Variants in INPP5A observed in about 807,000 individuals in gnomAD.
INPP5A encodes the protein inositol polyphosphate-5-phosphatase A.
Under a neutral mutation model 65.2 loss-of-function variants are expected in INPP5A, and 14 were observed. The ratio of observed to expected loss-of-function variants is 0.21; its 90% CI spans 0.14 to 0.34. The LOEUF (loss-of-function observed/expected upper bound fraction) is 0.34. INPP5A is among the 10% of genes least tolerant of loss of function. The probability of loss-of-function intolerance (pLI) is 1.00; values close to 1 mark genes in which losing one functional copy is unlikely to be tolerated. For synonymous variants in INPP5A, 207 were observed against 208.3 expected, an observed-to-expected ratio of 0.99 and a Z score of 0.05; for missense variants, 431 against 545.6, an observed-to-expected ratio of 0.79 and a Z score of 2.09.
chr10:132,570,434 C>T (rs758848394), intron 1 of INPP5A, among the ~76,000 whole-genome samples: 8 of 152,184 alleles, frequency 5.3e-5, no homozygotes, highest in Non-Finnish European at 7.4e-5. Flanking sequence ...GTTTTCCTTC[C>T]GACGAGGTAT....
intron 2 of INPP5A, among the ~76,000 whole-genome samples, chr10:132,629,569 G>T (rs2072237268): frequency 6.6e-6 from 1 of 152,276 alleles, no homozygotes; most frequent in African/African-American, 2.4e-5. Context: ...GAAGTCTCCA[G>T]TGTGGCTCCA....
chr10:132,740,846 C>G lies in INPP5A; in HGVS notation c.733-8671C>G, dbSNP rs1013082222. Among the ~76,000 whole-genome samples, 3 of 152,310 alleles carry G rather than the reference C, an allele frequency of 2.0e-5. No homozygotes were observed. In the East Asian group the frequency reaches 5.8e-4, roughly 29 times the overall value. On this transcript the variant is annotated intron_variant, in intron 9 of 15. Coordinates refer to ENST00000368594, the MANE Select transcript of INPP5A (RefSeq NM_005539.5). Reference sequence around the variant, plus strand: ...CTCGCAGGGTCCACATCGTTCACCCCCAGCATTCACCACCCAAGGGTCAGG... The same window carrying G: ...CTCGCAGGGTCCACATCGTTCACCCGCAGCATTCACCACCCAAGGGTCAGG...
chr10:132,540,490 G>C (rs1041727431), intron 1 of INPP5A, among the ~76,000 whole-genome samples: 1 of 152,244 alleles, frequency 6.6e-6, no homozygotes, highest in Admixed American at 6.5e-5. Flanking sequence ...CGTGTCTGAA[G>C]ATTTCTTAAT....
chr10:132,554,397 C>T (rs1390403715), intron 1 of INPP5A, among the ~76,000 whole-genome samples: 1 of 152,080 alleles, frequency 6.6e-6, no homozygotes, highest in Non-Finnish European at 1.5e-5. Flanking sequence ...GTCTCCTGGG[C>T]AAGTGGCGGG....
intron 1 of INPP5A, among the ~76,000 whole-genome samples, chr10:132,579,274 C>A (rs926361032): frequency 1.3e-5 from 2 of 152,018 alleles, no homozygotes; most frequent in Non-Finnish European, 2.9e-5. Context: ...GCGAGTGGGG[C>A]TCCTGGTGTC....
At chr10:132,685,403 C>A (rs2073102370) in intron 4 of INPP5A, among the ~76,000 whole-genome samples, 1 of 152,282 alleles carries the variant, frequency 6.6e-6, no homozygotes, top group South Asian at 2.1e-4. Flanking sequence ...ACTGCTTGTG[C>A]ATTTCCCCTT....
At chr10:132,780,975 C>CG (rs928569969) in intron 14 of INPP5A, 58 bp downstream of exon 14, 6 of 118,822 alleles carry the variant, frequency 5.0e-5, no homozygotes, top group Admixed American at 1.1e-4. Context: ...GCTAGGGGGC[C>CG]GGGGGGCTGG....
chr10:132,621,645 G>T (rs925456984), intron 2 of INPP5A, among the ~76,000 whole-genome samples: 5 of 152,182 alleles, frequency 3.3e-5, no homozygotes, highest in Non-Finnish European at 7.3e-5. Flanking sequence ...GCCTTAGTCT[G>T]GCTCAGTGAA....
At chr10:132,747,147 C>T (rs1449401203) in intron 9 of INPP5A, among the ~76,000 whole-genome samples, 1 of 152,270 alleles carries the variant, frequency 6.6e-6, no homozygotes, top group Non-Finnish European at 1.5e-5. Context: ...GCCTGCCAAG[C>T]CTTCTCCCAT....
At position 132,676,403 on chromosome 10, in the gene INPP5A, CA is replaced by C. The variant is rs1328701268; in HGVS notation, c.307-13988del. 2.0e-5 allele frequency among the ~76,000 whole-genome samples: 3 copies of C among 152,164 alleles called. No homozygotes were observed. Among genetic ancestry groups the C allele is most frequent in the African/African-American group, 7.2e-5 (3 of 41,432 alleles). On this transcript the variant is annotated intron_variant, in intron 4 of 15. Transcript: ENST00000368594. This position sits in a 1 kb window ranked among gnomAD's most constrained non-coding sequence, Gnocchi z 4.0. ...CGTGAGTTCTGGGCCAGGACCTTTCCACCTGTCTCCCTCCACTCCGGGTGAA... is the reference window on the plus strand; with the variant it reads ...CGTGAGTTCTGGGCCAGGACCTTTCCCCTGTCTCCCTCCACTCCGGGTGAA...
At chr10:132,757,792 AGCACCATGGCGTGG>A (rs1846654686) in intron 11 of INPP5A, among the ~76,000 whole-genome samples, 1 of 97,090 alleles carries the variant, frequency 1.0e-5, no homozygotes, top group Non-Finnish European at 2.5e-5. Flanking sequence ...CCCACAGCCC[AGCACCATGGCGTGG>A]GTGCCCGGCC....
At chr10:132,628,306 G>A (rs909393174) in intron 2 of INPP5A, among the ~76,000 whole-genome samples, 15 of 150,706 alleles carry the variant, frequency 1.0e-4, no homozygotes, top group African/African-American at 3.7e-4. Flanking sequence ...CCGCTTCCTC[G>A]TGAGCATGCA....
rs191383588 is a variant in INPP5A at position 132,706,262 on chromosome 10, A to T, written c.475-2051A>T. On this transcript the variant is annotated intron_variant, in intron 6 of 15. Transcript: ENST00000368594. The surrounding 1 kb of genome is among the most constrained non-coding windows in gnomAD (Gnocchi z 4.7). Reference sequence around the variant, plus strand: ...TTTTATAGAAAGGAGCAGTTAAAAGACATAAAGACTATTAAGAGGCTCAAA... The same window carrying T: ...TTTTATAGAAAGGAGCAGTTAAAAGTCATAAAGACTATTAAGAGGCTCAAA... Among the ~76,000 whole-genome samples, 1 of 152,372 alleles carries T rather than the reference A, an allele frequency of 6.6e-6. No individual in the cohort carries two copies. The highest frequency in any genetic ancestry group is 6.5e-5 in the Admixed American group (1 of 15,310).
intron 11 of INPP5A, among the ~76,000 whole-genome samples, chr10:132,754,626 C>T (rs1565001043): frequency 6.6e-6 from 1 of 152,266 alleles, no homozygotes; most frequent in African/African-American, 2.4e-5. Flanking sequence ...ACTGCCAAAA[C>T]TGGGGGCCTT....
chr10:132,729,420 C>T lies in INPP5A; in HGVS notation c.732+2515C>T, dbSNP rs913195. 5.1e-3 allele frequency among the ~76,000 whole-genome samples: 778 copies of T among 152,314 alleles called. 9 individuals are homozygous for T. The highest frequency in any genetic ancestry group is 0.017 in the African/African-American group (710 of 41,556). On this transcript the variant is annotated intron_variant, in intron 9 of 15. Transcript: ENST00000368594. Reference sequence around the variant, plus strand: ...AAAGAGTTCCTCTCACACAGGCAGTCGCAGCACGGCAGCTCCTGCCCAGGT... The same window carrying T: ...AAAGAGTTCCTCTCACACAGGCAGTTGCAGCACGGCAGCTCCTGCCCAGGT...
rs1217669601 is a variant in INPP5A, at chr10:132,749,568, G to A, written c.784G>A (p.Glu262Lys). Residue 262 changes from glutamate to lysine, a missense_variant, in exon 10 of 16, where the codon GAA becomes AAA. Glu to Lys is a moderately conservative substitution (Grantham distance 56). Transcript: ENST00000368594. Reference protein sequence around the residue: ...MQTVRAADTNEVVKLIFRESD... With the variant: ...MQTVRAADTNKVVKLIFRESD... ...GACGGTCCGGGCCGCCGACACCAAT[G>A]AAGTGGTGAAGCTCATATTTCGTGA... The A allele has an allele frequency of 6.2e-7, 1 of 1,613,052 alleles. No individual in the cohort carries two copies. Among genetic ancestry groups the A allele is most frequent in the Non-Finnish European group, 8.5e-7 (1 of 1,180,018 alleles).
At chr10:132,720,079 C>T (rs1444749055) in intron 8 of INPP5A, among the ~76,000 whole-genome samples, 4 of 149,548 alleles carry the variant, frequency 2.7e-5, no homozygotes, top group African/African-American at 9.9e-5. Flanking sequence ...TGTCTGGGCG[C>T]CTTAGACGGC....
chr10:132,676,620 G>A lies in INPP5A; in HGVS notation c.307-13772G>A, dbSNP rs117094666. ...CCGCTGGCCTACAGACTGCTGTCCC[G>A]GCCAGTGCTCCGCTCCCTGCGCCCC... On this transcript the variant is annotated intron_variant, in intron 4 of 15. Transcript: ENST00000368594. This position sits in a 1 kb window ranked among gnomAD's most constrained non-coding sequence, Gnocchi z 4.0. 0.055 allele frequency among the ~76,000 whole-genome samples: 8,328 copies of A among 152,188 alleles called. 290 individuals carry two copies. The highest frequency in any genetic ancestry group is 0.12 in the South Asian group (563 of 4,832).
chr10:132,688,825 A>T (rs111210369), intron 4 of INPP5A, among the ~76,000 whole-genome samples: 42 of 152,112 alleles, frequency 2.8e-4, no homozygotes, highest in Admixed American at 7.2e-4. Context: ...TGCATGACTG[A>T]GTGCAAGTGT....
Sources: allele counts gnomAD v4.1 joint callset (sites outside exome capture counted in the v4.1 genomes callset), GRCh38; gene constraint gnomAD v4.1.1; non-coding constraint Gnocchi (gnomAD v3.1); transcripts MANE v1.5; gene names NCBI Gene and HGNC (gene_info 2026-07-23, HGNC 2026-07-21).